Variants in THOC7 observed in about 807,000 individuals in gnomAD.
THOC7 encodes the protein NIF3L1-binding protein 1.
THOC7 carries 22 observed loss-of-function variants against 33.1 expected under a neutral mutation model. The observed-to-expected ratio is 0.66, with a 90% CI of 0.47 to 0.95. The LOEUF is 0.95. THOC7 is among the 40% of genes least tolerant of loss of function. The pLI, the probability that THOC7 is intolerant of heterozygous loss-of-function variation, is 0.00. For missense variants in THOC7, 184 were observed against 245.3 expected, an observed-to-expected ratio of 0.75 and a Z score of 1.67; for synonymous variants, 77 against 76.8, an observed-to-expected ratio of 1.00 and a Z score of -0.01.
chr3:63,839,598 A>G (rs1701713551), intron 2 of THOC7, 58 bp downstream of exon 2: 2 of 1,424,384 alleles, frequency 1.4e-6, no homozygotes, highest in Admixed American at 3.4e-5. Context: ...GGACCTTAAT[A>G]TAGGGCCTAA....
In THOC7 at chr3:63,833,904, A is replaced by T; in HGVS notation, c.*228T>A. 2.2e-6 allele frequency: 1 copy of T among 444,790 alleles called. No homozygotes were observed. The highest frequency in any genetic ancestry group is 4.0e-6 in the Non-Finnish European group (1 of 252,360). 27.6% of individuals were successfully genotyped at this position (444,790 alleles called of 1,614,324 possible). Reference sequence around the variant, plus strand: ...AAAGCATTTTATTAAGCATTTTTGGATGTTGCTTCCTACCACTTAAGAATA... The same window carrying T: ...AAAGCATTTTATTAAGCATTTTTGGTTGTTGCTTCCTACCACTTAAGAATA... On this transcript the variant is annotated 3_prime_UTR_variant, in exon 8 of 8. Coordinates refer to ENST00000295899, the MANE Select transcript of THOC7 (RefSeq NM_025075.4).
intron 1 of THOC7, among the ~76,000 whole-genome samples, chr3:63,854,351 C>T (rs1464116530): frequency 6.6e-6 from 1 of 152,168 alleles, no homozygotes; most frequent in African/African-American, 2.4e-5. Flanking sequence ...ATAATGAACA[C>T]ACTTAAAATA....
rs146867455 is a variant in THOC7, at chr3:63,851,105, T to C, written c.20-11332A>G. ...GGAGAAAGCTCCAAACTCTTCATGT[T>C]TTCCACCTGCTAATCACAACAGTAG... On this transcript the variant is annotated intron_variant, in intron 1 of 7. Coordinates refer to ENST00000295899, the MANE Select transcript of THOC7 (RefSeq NM_025075.4). 2.4e-3 allele frequency among the ~76,000 whole-genome samples: 360 copies of C among 152,314 alleles called. 7 individuals carry two copies. In the South Asian group the frequency reaches 0.033, roughly 14 times the overall value.
At chr3:63,836,081 T>C (rs1335591082) in intron 5 of THOC7, among the ~76,000 whole-genome samples, 8 of 152,046 alleles carry the variant, frequency 5.3e-5, no homozygotes, top group Admixed American at 4.6e-4. Context: ...ATTTATCCAT[T>C]GTGATATTGA....
At chr3:63,838,820 C>T (rs1219646850) in intron 2 of THOC7, among the ~76,000 whole-genome samples, 4 of 152,000 alleles carry the variant, frequency 2.6e-5, no homozygotes, top group Non-Finnish European at 4.4e-5. Context: ...CAATTCTGTT[C>T]CCACAATTTT....
At chr3:63,863,471 G>A in intron 1 of THOC7, 4 of 1,161,460 alleles carry the variant, frequency 3.4e-6, no homozygotes, top group Non-Finnish European at 4.2e-6. Flanking sequence ...ACCCACGTGT[G>A]TTCCCAGCCC....
chr3:63,840,952 G>T (rs1322643067), intron 1 of THOC7, among the ~76,000 whole-genome samples: 2 of 152,188 alleles, frequency 1.3e-5, no homozygotes. Flanking sequence ...CTATAGAAGT[G>T]CACTCATGCA....
At chr3:63,850,069 T>C (rs996047083) in intron 1 of THOC7, among the ~76,000 whole-genome samples, 7 of 152,180 alleles carry the variant, frequency 4.6e-5, no homozygotes, top group African/African-American at 1.7e-4. Flanking sequence ...GGAATAAGAC[T>C]CCCCATCATA....
rs879395587 is a variant in THOC7, at chr3:63,834,360, T to TA, written c.548-162dup. ...TAAAATTTATGTGATAGACTTCACT[T>TA]AAAAAAAAAAAAATCCAGGCAGGGT... is the stretch of plus-strand genomic sequence containing the variant. On this transcript the variant is annotated intron_variant, in intron 7 of 7. Coordinates refer to ENST00000295899, the MANE Select transcript of THOC7 (RefSeq NM_025075.4). 4.7e-3 allele frequency among the ~76,000 whole-genome samples: 681 copies of TA among 146,438 alleles called. 4 individuals carry two copies. The highest frequency in any genetic ancestry group is 0.016 in the African/African-American group (633 of 40,118).
chr3:63,850,798 C>A (rs1300849552), intron 1 of THOC7, among the ~76,000 whole-genome samples: 1 of 151,894 alleles, frequency 6.6e-6, no homozygotes, highest in Non-Finnish European at 1.5e-5. Context: ...GTTGGTTAGG[C>A]TGGTCTCAAA....
At chr3:63,864,097 C>T (rs909839741), upstream of THOC7, among the ~76,000 whole-genome samples, 28 of 146,692 alleles carry the variant, frequency 1.9e-4, no homozygotes, top group South Asian at 1.5e-3. Context: ...CCGCCGCCCC[C>T]CTTGCAGCCC....
At chr3:63,855,509 T>G (rs1003340520) in intron 1 of THOC7, among the ~76,000 whole-genome samples, 6 of 152,172 alleles carry the variant, frequency 3.9e-5, no homozygotes, top group Non-Finnish European at 8.8e-5. Context: ...AACTCTAGAT[T>G]TCTAGGCCTC....
rs1476501406 is a variant in THOC7 at position 63,834,143 on chromosome 3, G to C, written c.604C>G (p.Pro202Ala). 2 of 1,613,866 alleles carry C rather than the reference G, an allele frequency of 1.2e-6. No individual in the cohort carries two copies. The highest frequency in any genetic ancestry group is 1.7e-6 in the Non-Finnish European group (2 of 1,179,994). The change falls in exon 8 of 8, where the codon CCT (proline) becomes GCT (alanine). Residue 202 changes from proline to alanine, a missense_variant. Physicochemically the swap from Pro to Ala is conservative, Grantham distance 27. Coordinates refer to ENST00000295899, the MANE Select transcript of THOC7 (RefSeq NM_025075.4). ...EAQEASMETD[P>A]KP ...GGCAATTAGCCTGTCTATGGCTTAG[G>C]ATCTGTTTCCATGCTTGCTTCCTGA...
At chr3:63,841,327 G>A (rs1485921683) in intron 1 of THOC7, among the ~76,000 whole-genome samples, 2 of 152,156 alleles carry the variant, frequency 1.3e-5, no homozygotes, top group Non-Finnish European at 2.9e-5. Flanking sequence ...AGATAGAGGT[G>A]GGAAAAGATA....
intron 1 of THOC7, among the ~76,000 whole-genome samples, chr3:63,841,324 G>C (rs1701755637): frequency 1.3e-5 from 2 of 152,196 alleles, no homozygotes; most frequent in South Asian, 2.1e-4. Context: ...TACAGATAGA[G>C]GTGGGAAAAG....
chr3:63,859,750 G>T (rs184796999), intron 1 of THOC7, among the ~76,000 whole-genome samples: 1 of 152,308 alleles, frequency 6.6e-6, no homozygotes, highest in South Asian at 2.1e-4. Context: ...TGCCTAGAAG[G>T]TATGCAATAA....
intron 1 of THOC7, among the ~76,000 whole-genome samples, chr3:63,848,824 A>C (rs1701961224): frequency 1.3e-5 from 2 of 152,194 alleles, no homozygotes; most frequent in African/African-American, 4.8e-5. Context: ...AGATTTAAGG[A>C]AACTTCTTTT....
chr3:63,838,224 A>AT, intron 3 of THOC7, 148 bp downstream of exon 3: 3 of 906,512 alleles, frequency 3.3e-6, no homozygotes, highest in East Asian at 5.5e-5. Context: ...TAGAATACAC[A>AT]TTTTTTATAG....
chr3:63,859,945 C>T (rs1372030015), intron 1 of THOC7, among the ~76,000 whole-genome samples: 5 of 152,180 alleles, frequency 3.3e-5, no homozygotes, highest in African/African-American at 1.2e-4. Flanking sequence ...CTACCCACTA[C>T]CCACCTAAAC....
Sources: allele counts gnomAD v4.1 joint callset (sites outside exome capture counted in the v4.1 genomes callset), GRCh38; gene constraint gnomAD v4.1.1; transcripts MANE v1.5; gene names NCBI Gene and HGNC (gene_info 2026-07-23, HGNC 2026-07-21).